Variants in WARS1 observed in about 807,000 individuals in gnomAD.
WARS1 encodes tryptophan--tRNA ligase, cytoplasmic.
WARS1 carries 17 observed loss-of-function variants against 47.8 expected under a neutral mutation model. The observed-to-expected ratio is 0.36, with a 90% CI of 0.24 to 0.53. The LOEUF (loss-of-function observed/expected upper bound fraction) is 0.53, where lower values mean the gene tolerates loss of function less well. Among genes scored for constraint, WARS1 ranks in the 20% least tolerant of loss-of-function variants. WARS1 has a pLI of 0.91. For missense variants in WARS1, 434 were observed against 608.0 expected (o/e 0.71, Z 3.01); for synonymous variants, 208 against 228.1 (o/e 0.91, Z 0.79).
intron 2 of WARS1, chr14:100,366,851 G>C (rs979415885): frequency 1.3e-6 from 2 of 1,596,100 alleles, no homozygotes; most frequent in Non-Finnish European, 1.7e-6. Flanking sequence ...ATGGGGATTT[G>C]CTGCATTTGT....
At chr14:100,339,669 A>G (rs1427501465) in intron 9 of WARS1, among the ~76,000 whole-genome samples, 3 of 152,158 alleles carry the variant, frequency 2.0e-5, no homozygotes, top group African/African-American at 7.2e-5. Flanking sequence ...GGAGGAAGAA[A>G]AAAACCACCT....
At chr14:100,369,600 CT>C (rs1896218522) in intron 1 of WARS1, among the ~76,000 whole-genome samples, 1 of 152,036 alleles carries the variant, frequency 6.6e-6, no homozygotes, top group Admixed American at 6.5e-5. Context: ...AGGAGGACTC[CT>C]GTTTGCTCAG....
chr14:100,337,172 C>G lies in WARS1; in HGVS notation c.1144G>C (p.Asp382His), dbSNP rs747369344. Residue 382 changes from aspartate (D) to histidine (H), a missense_variant, in exon 10 of 11, where the codon GAC (aspartate) becomes CAC (histidine). Around this residue, in one of 2 missense-constraint regions of WARS1, gnomAD observed 347 missense variants for 523.8 expected, o/e 0.66. Transcript: ENST00000392882. ...VNKHAFSGGR[D>H]TIEEHRQFGG... is the part of the protein sequence containing the mutation. Reference sequence around the variant, plus strand: ...AACTGCCTGTGCTCCTCGATGGTGTCTCTCCCTCCAGAAAACGCATGCTTA... The same window carrying G: ...AACTGCCTGTGCTCCTCGATGGTGTGTCTCCCTCCAGAAAACGCATGCTTA... The G allele has an allele frequency of 6.2e-7, 1 of 1,614,168 alleles. No individual in the cohort carries two copies. The highest frequency in any genetic ancestry group is 8.5e-7 in the Non-Finnish European group (1 of 1,179,988).
chr14:100,348,809 A>G (rs7144866), intron 6 of WARS1, among the ~76,000 whole-genome samples: 114,334 of 152,148 alleles, frequency 0.75, 43,547 homozygotes, highest in East Asian at 0.87. Context: ...CTGTAGCTTC[A>G]CGGCGTCTGA....
At chr14:100,354,260 A>G in intron 5 of WARS1, 187 bp downstream of exon 5, 1 of 766,234 alleles carries the variant, frequency 1.3e-6, no homozygotes, top group Non-Finnish European at 2.0e-6. Flanking sequence ...CGCTCTCCCC[A>G]TCACTCCATG....
At chr14:100,365,909 C>G in intron 2 of WARS1, 1 of 421,092 alleles carries the variant, frequency 2.4e-6, no homozygotes, top group Non-Finnish European at 4.8e-6. Context: ...TACACTGTTA[C>G]GGAATCACCC....
intron 7 of WARS1, among the ~76,000 whole-genome samples, chr14:100,344,893 C>G (rs1417055001): frequency 6.6e-6 from 1 of 151,724 alleles, no homozygotes; most frequent in Non-Finnish European, 1.5e-5. Context: ...CGGCAGCCAC[C>G]CCGTCTGGGA....
chr14:100,347,086 G>T (rs1894668484), intron 6 of WARS1, among the ~76,000 whole-genome samples: 1 of 152,240 alleles, frequency 6.6e-6, no homozygotes. Flanking sequence ...AGAAACCAGT[G>T]TGAAACCGAC....
At chr14:100,343,213 A>G in intron 8 of WARS1, 62 bp downstream of exon 8, 2 of 1,405,292 alleles carry the variant, frequency 1.4e-6, no homozygotes. Flanking sequence ...CCCGCTGAAG[A>G]GTAAGAGGAA....
At chr14:100,347,430 T>C (rs1349640885) in intron 6 of WARS1, among the ~76,000 whole-genome samples, 3 of 152,302 alleles carry the variant, frequency 2.0e-5, no homozygotes, top group African/African-American at 7.2e-5. Flanking sequence ...CAGTGGCTGA[T>C]TCAAGCAACC....
intron 7 of WARS1, 53 bp downstream of exon 7, chr14:100,346,693 G>T: frequency 7.1e-7 from 1 of 1,405,336 alleles, no homozygotes; most frequent in Non-Finnish European, 1.0e-6. Flanking sequence ...CCAGAACTCT[G>T]CTCCTTTTTG....
chr14:100,372,123 C>A (rs999141603), intron 1 of WARS1, among the ~76,000 whole-genome samples: 1 of 152,076 alleles, frequency 6.6e-6, no homozygotes, highest in Non-Finnish European at 1.5e-5. Context: ...CCTTTACCTA[C>A]CCAAATCCTA....
intron 4 of WARS1, among the ~76,000 whole-genome samples, chr14:100,355,140 C>T (rs1895232411): frequency 6.6e-6 from 1 of 152,148 alleles, no homozygotes; most frequent in African/African-American, 2.4e-5. Flanking sequence ...AGGCTGCTTC[C>T]AATCACAGCT....
intron 3 of WARS1, among the ~76,000 whole-genome samples, chr14:100,361,040 A>G (rs1164178036): frequency 2.0e-5 from 3 of 152,296 alleles, no homozygotes; most frequent in African/African-American, 7.2e-5. Flanking sequence ...ATTTATATTC[A>G]TTGACAACCA....
chr14:100,353,338 C>T (rs561029760), intron 6 of WARS1, among the ~76,000 whole-genome samples: 1 of 152,206 alleles, frequency 6.6e-6, no homozygotes, highest in Admixed American at 6.5e-5. Context: ...GTAACCTCCA[C>T]CTCCCGGGTT....
chr14:100,360,880 AT>A (rs562295714), intron 3 of WARS1, among the ~76,000 whole-genome samples: 21 of 152,326 alleles, frequency 1.4e-4, no homozygotes, highest in African/African-American at 4.1e-4. Context: ...CAGGAAATAA[AT>A]TACAACACAA....
At chr14:100,342,139 G>T in intron 9 of WARS1, 1 of 442,388 alleles carries the variant, frequency 2.3e-6, no homozygotes, top group Non-Finnish European at 4.1e-6. Flanking sequence ...GATAAGAAAA[G>T]CAGAAAAGGA....
At chr14:100,346,170 T>TCCC (rs879419324) in intron 7 of WARS1, among the ~76,000 whole-genome samples, 53,368 of 151,932 alleles carry the variant, frequency 0.35, 11,667 homozygotes, top group South Asian at 0.66. Flanking sequence ...CACATGGAAA[T>TCCC]TTATGGAGAG....
At chr14:100,352,409 C>A (rs528093676) in intron 6 of WARS1, among the ~76,000 whole-genome samples, 1 of 152,132 alleles carries the variant, frequency 6.6e-6, no homozygotes, top group African/African-American at 2.4e-5. Context: ...TGAGCCACCG[C>A]GCCTGGCTGC....
Sources: gnomAD v4.1 joint callset for allele counts (sites outside exome capture counted in the v4.1 genomes callset) on GRCh38, gnomAD v4.1.1 for gene constraint, gnomAD v4.1.1 regional missense constraint, MANE v1.5 for transcripts, NCBI Gene and HGNC (gene_info 2026-07-23, HGNC 2026-07-21) for gene names.